Variants in KIAA0232 observed in about 807,000 individuals in gnomAD.
KIAA0232 encodes uncharacterized protein KIAA0232.
A neutral mutation model predicts 122.0 loss-of-function variants in KIAA0232; 27 were observed. That is an observed-to-expected ratio of 0.22 (90% CI 0.16 to 0.31). KIAA0232 has a LOEUF of 0.31. KIAA0232 is among the 10% of genes least tolerant of loss of function. KIAA0232 has a pLI of 1.00. For synonymous variants in KIAA0232, 613 were observed against 587.6 expected, an observed-to-expected ratio of 1.04 and a Z score of -0.63; for missense variants, 1,551 against 1,634.2, an observed-to-expected ratio of 0.95 and a Z score of 0.88.
intron 4 of KIAA0232, among the ~76,000 whole-genome samples, chr4:6,846,897 T>A (rs1421428679): frequency 6.6e-6 from 1 of 152,186 alleles, no homozygotes; most frequent in Non-Finnish European, 1.5e-5. Flanking sequence ...GATGATCGTG[T>A]TTGTGGTACT....
chr4:6,797,492 G>A (rs4689051), intron 1 of KIAA0232, among the ~76,000 whole-genome samples: 18,996 of 152,210 alleles, frequency 0.12, 1,632 homozygotes, highest in East Asian at 0.35. Context: ...AAAGAGGGCC[G>A]GGTGTGGTGG....
rs1377484678 is a variant in KIAA0232 at position 6,842,207 on chromosome 4, A to G, written c.369+3A>G. ...GTCTTCGATCTGCTTCTGATGAAGT[A>G]AGTTTACATTTTGTTTCTAACACTT... On this transcript the variant is annotated splice_donor_region_variant and intron_variant, in intron 4 of 9. Coordinates refer to ENST00000307659, the MANE Select transcript of KIAA0232 (RefSeq NM_014743.3). The G allele has an allele frequency of 1.3e-6, 2 of 1,592,418 alleles. No homozygotes were observed. Among genetic ancestry groups the G allele is most frequent in the Non-Finnish European group, 8.5e-7 (1 of 1,173,600 alleles).
At chr4:6,852,593 G>C (rs570959825) in intron 4 of KIAA0232, among the ~76,000 whole-genome samples, 2 of 152,148 alleles carry the variant, frequency 1.3e-5, no homozygotes, top group South Asian at 2.1e-4. Context: ...GCAGGGCTGG[G>C]CTGAAAATAG....
At chr4:6,823,800 C>T (rs1285085614) in intron 2 of KIAA0232, among the ~76,000 whole-genome samples, 1 of 151,132 alleles carries the variant, frequency 6.6e-6, no homozygotes, top group African/African-American at 2.4e-5. Context: ...TTAAATGATA[C>T]TAAGCTTTTT....
In KIAA0232 at chr4:6,879,671, G is replaced by T. The variant is rs571374080; in HGVS notation, c.4009-1116G>T. Among the ~76,000 whole-genome samples, 62 of 152,324 alleles carry T rather than the reference G, an allele frequency of 4.1e-4. 1 individual carries two copies. The South Asian group carries it at 0.011, about 26-fold the overall frequency. ...CTGTGACTGAGGAGGGGCCACCACT[G>T]CATCTCATGTCCTGGGGTCCAGAGA... is the stretch of plus-strand genomic sequence containing the variant. On this transcript the variant is annotated intron_variant, in intron 9 of 9. Coordinates refer to ENST00000307659, the MANE Select transcript of KIAA0232 (RefSeq NM_014743.3).
chr4:6,803,228 T>C (rs565010904), intron 1 of KIAA0232, among the ~76,000 whole-genome samples: 183 of 146,662 alleles, frequency 1.2e-3, no homozygotes, highest in Non-Finnish European at 2.3e-3. Flanking sequence ...TATATATATA[T>C]GGACTTTCTC....
chr4:6,822,400 A>G (rs1304098296), intron 2 of KIAA0232, among the ~76,000 whole-genome samples: 1 of 152,222 alleles, frequency 6.6e-6, no homozygotes, highest in Non-Finnish European at 1.5e-5. Context: ...AGTGATAGAT[A>G]AATGCAAGAA....
chr4:6,864,247 A>G (rs550241859), intron 7 of KIAA0232, 64 bp downstream of exon 7: 7 of 1,476,626 alleles, frequency 4.7e-6, no homozygotes, highest in Middle Eastern at 2.2e-4. Context: ...AAGAACAGAC[A>G]TGCCAGTCAA....
chr4:6,785,156 C>G (rs551176992), intron 1 of KIAA0232, among the ~76,000 whole-genome samples: 15 of 152,232 alleles, frequency 9.9e-5, no homozygotes, highest in African/African-American at 3.1e-4. Flanking sequence ...CCAGGATGGT[C>G]TTTCTCTCCT....
rs1407138063 is a variant in KIAA0232, at chr4:6,810,783, C to CT, written c.-270+6184dup. 5.9e-5 allele frequency among the ~76,000 whole-genome samples: 9 copies of CT among 152,200 alleles called. No homozygotes were observed. In the East Asian group the frequency reaches 7.7e-4, roughly 13 times the overall value. The stretch of plus-strand genomic sequence containing the variant: ...AAAGGTGGGCAAAGACATGAATAGA[C>CT]TTTTTTTAAAAGAAGACATACACAT... On this transcript the variant is annotated intron_variant, in intron 2 of 9. Coordinates refer to ENST00000307659, the MANE Select transcript of KIAA0232 (RefSeq NM_014743.3).
chr4:6,870,103 A>G (rs916983745), intron 7 of KIAA0232, among the ~76,000 whole-genome samples: 1 of 152,222 alleles, frequency 6.6e-6, no homozygotes, highest in Non-Finnish European at 1.5e-5. Flanking sequence ...CCAGGTATAC[A>G]TGGTGACTGA....
chr4:6,786,090 T>C (rs1342946934), intron 1 of KIAA0232, among the ~76,000 whole-genome samples: 1 of 152,212 alleles, frequency 6.6e-6, no homozygotes, highest in East Asian at 1.9e-4. Flanking sequence ...GTATTATAAA[T>C]TGGTCATAGT....
At position 6,861,094 on chromosome 4, in the gene KIAA0232, G is replaced by A; in HGVS notation, c.712G>A (p.Glu238Lys). 2 of 1,614,188 alleles carry A rather than the reference G, an allele frequency of 1.2e-6. No individual in the cohort carries two copies. Among genetic ancestry groups the A allele is most frequent in the Non-Finnish European group, 1.7e-6 (2 of 1,180,032 alleles). Reference sequence around the variant, plus strand: ...TGAAGTCACCAAGGAAAGAAGCAGTGAAGTACCCACCACTGTGCATGAGAA... The same window carrying A: ...TGAAGTCACCAAGGAAAGAAGCAGTAAAGTACCCACCACTGTGCATGAGAA... ...ESEVTKERSS[E>K]VPTTVHEKTQ... The change falls in exon 7 of 10, where the codon GAA becomes AAA. Residue 238 changes from glutamate to lysine, a missense_variant. By Grantham distance (56) the Glu-to-Lys change is moderately conservative. Coordinates refer to ENST00000307659, the MANE Select transcript of KIAA0232 (RefSeq NM_014743.3).
chr4:6,845,422 C>T (rs1485123485), intron 4 of KIAA0232, among the ~76,000 whole-genome samples: 1 of 152,112 alleles, frequency 6.6e-6, no homozygotes, highest in Non-Finnish European at 1.5e-5. Flanking sequence ...TTTTGAACTC[C>T]TGGGCTCAAG....
At chr4:6,821,666 A>T (rs891510786) in intron 2 of KIAA0232, among the ~76,000 whole-genome samples, 2 of 137,082 alleles carry the variant, frequency 1.5e-5, no homozygotes, top group Non-Finnish European at 3.1e-5. Context: ...GTGTATGTGT[A>T]TACATATATA....
At chr4:6,834,897 A>G (rs1447034002) in intron 3 of KIAA0232, among the ~76,000 whole-genome samples, 2 of 152,166 alleles carry the variant, frequency 1.3e-5, no homozygotes. Flanking sequence ...AAATACTTTT[A>G]TTTGTGGTAA....
intron 4 of KIAA0232, among the ~76,000 whole-genome samples, chr4:6,842,880 C>T (rs939842479): frequency 2.0e-5 from 3 of 152,036 alleles, no homozygotes; most frequent in South Asian, 2.1e-4. Flanking sequence ...TGAGCCATCG[C>T]GCCCGGCCCG....
At chr4:6,830,204 T>TAG (rs1238743685) in intron 3 of KIAA0232, among the ~76,000 whole-genome samples, 1 of 152,152 alleles carries the variant, frequency 6.6e-6, no homozygotes, top group East Asian at 1.9e-4. Flanking sequence ...ACCATCCTGT[T>TAG]ATTATTTGTA....
chr4:6,833,219 C>G (rs1719087834), intron 3 of KIAA0232, among the ~76,000 whole-genome samples: 1 of 152,200 alleles, frequency 6.6e-6, no homozygotes, highest in African/African-American at 2.4e-5. Flanking sequence ...TGTATTTCAA[C>G]AAACATTCAA....
Sources: allele counts gnomAD v4.1 joint callset (sites outside exome capture counted in the v4.1 genomes callset), GRCh38; gene constraint gnomAD v4.1.1; transcripts MANE v1.5; gene names NCBI Gene and HGNC (gene_info 2026-07-23, HGNC 2026-07-21).